The following PRRC2C variants were observed in gnomAD, a reference collection of about 807,000 sequenced individuals.
PRRC2C encodes protein PRRC2C.
A neutral mutation model predicts 317.2 loss-of-function variants in PRRC2C; 72 were observed. That is an observed-to-expected ratio of 0.23 (90% CI 0.19 to 0.28). The LOEUF (loss-of-function observed/expected upper bound fraction) is 0.28, where lower values mean the gene tolerates loss of function less well. PRRC2C is among the 10% of genes least tolerant of loss of function. The pLI is 1.00. For synonymous variants in PRRC2C, 1,296 were observed against 1,205.9 expected (o/e 1.07, Z -1.55); for missense variants, 3,074 against 3,459.7 (o/e 0.89, Z 2.80).
chr1:171,501,168 G>T lies in PRRC2C; in HGVS notation c.-57-10864G>T, dbSNP rs192898091. ...TGACTTGGCCTCCCAAGGTGCTGGGGTTACTACTCATGAGCTACTGTGTGA... is the reference window on the plus strand; with the variant it reads ...TGACTTGGCCTCCCAAGGTGCTGGGTTTACTACTCATGAGCTACTGTGTGA... On this transcript the variant is annotated intron_variant, in intron 1 of 34. Coordinates refer to ENST00000647382, the MANE Select transcript of PRRC2C (RefSeq NM_001387844.1). Among the ~76,000 whole-genome samples the T allele has an allele frequency of 6.9e-4, 105 of 151,620 alleles. 2 individuals carry two copies. In the South Asian group the frequency reaches 0.017, roughly 24 times the overall value.
rs1682579627 is a variant in PRRC2C at position 171,561,017 on chromosome 1, G to A, written c.6032-1G>A. ...TGTTTTTTATGGCTTCTTCTTTCCA[G>A]TAGGTCCCATTAGTCCACCACAGCC... On this transcript the variant is annotated splice_acceptor_variant, in intron 19 of 34. Transcript: ENST00000647382. LOFTEE classifies it high-confidence loss of function. 6.3e-7 allele frequency: 1 copy of A among 1,584,536 alleles called. No homozygotes were observed. Among genetic ancestry groups the A allele is most frequent in the Non-Finnish European group, 8.7e-7 (1 of 1,153,314 alleles).
At chr1:171,575,657 T>A (rs986112747) in intron 25 of PRRC2C, among the ~76,000 whole-genome samples, 2 of 152,222 alleles carry the variant, frequency 1.3e-5, no homozygotes, top group Non-Finnish European at 2.9e-5. Flanking sequence ...TTCCTTAGAT[T>A]TTCTTAAATT....
At chr1:171,486,107 CTTT>C (rs34040896) in intron 1 of PRRC2C, among the ~76,000 whole-genome samples, 23 of 95,582 alleles carry the variant, frequency 2.4e-4, no homozygotes, top group Middle Eastern at 5.8e-3. Flanking sequence ...GACGTGAAGT[CTTT>C]TTTTTTTTTT....
rs1471494435 is a variant in PRRC2C, at chr1:171,589,575, G to A, written c.8406G>A (p.Gln2802=). Residue 2802 remains glutamine (Q), a synonymous_variant, in exon 34 of 35, where the codon CAG becomes CAA. Coordinates refer to ENST00000647382, the MANE Select transcript of PRRC2C (RefSeq NM_001387844.1). ...SLSGVRGNQA[Q]AALKAEQDMK... ...CTGGAGTCAGAGGTAATCAGGCCCA[G>A]GCTGCGTTGAAGGCTGAACAAGACA... 1 of 1,289,642 alleles carries A rather than the reference G, an allele frequency of 7.8e-7. No individual in the cohort carries two copies. The highest frequency in any genetic ancestry group is 1.0e-6 in the Non-Finnish European group (1 of 988,860). The allele number at this position is 1,289,642 out of a possible 1,614,324, so 79.9% of individuals were successfully genotyped here.
At position 171,540,820 on chromosome 1, in the gene PRRC2C, G is replaced by A; in HGVS notation, c.3354G>A (p.Glu1118=). ...AACCTGTGAGTACTGTTCAGGTAGAGCCTGCAGTTAAGACTGTAAACCAAC... is the reference window on the plus strand; with the variant it reads ...AACCTGTGAGTACTGTTCAGGTAGAACCTGCAGTTAAGACTGTAAACCAAC... ...PLEPVSTVQV[E]PAVKTVNQQT... Residue 1118 remains glutamate (E), a synonymous_variant, in exon 16 of 35, where the codon GAG becomes GAA. Coordinates refer to ENST00000647382, the MANE Select transcript of PRRC2C (RefSeq NM_001387844.1). 1 of 1,613,866 alleles carries A rather than the reference G, an allele frequency of 6.2e-7. No individual in the cohort carries two copies. Among genetic ancestry groups the A allele is most frequent in the Non-Finnish European group, 8.5e-7 (1 of 1,179,844 alleles).
intron 1 of PRRC2C, among the ~76,000 whole-genome samples, chr1:171,486,482 C>A (rs143586893): frequency 2.6e-5 from 4 of 152,198 alleles, no homozygotes; most frequent in African/African-American, 9.6e-5. Flanking sequence ...GGGCATGGGG[C>A]CACTATAGAG....
At chr1:171,522,292 A>T (rs748507096) in intron 7 of PRRC2C, 33 bp downstream of exon 7, 4 of 1,401,298 alleles carry the variant, frequency 2.9e-6, no homozygotes, top group Non-Finnish European at 3.0e-6. Context: ...GTCTGTAAGG[A>T]ATATATGCTT....
chr1:171,501,357 C>T (rs1208993800), intron 1 of PRRC2C, among the ~76,000 whole-genome samples: 1 of 152,122 alleles, frequency 6.6e-6, no homozygotes, highest in African/African-American at 2.4e-5. Context: ...TCTCAAACTC[C>T]TGAGCTCAAG....
Position 171,584,532 on chromosome 1 carries a change from C to G in PRRC2C, c.7749+6C>G, listed in dbSNP as rs371505255. 3 of 1,550,882 alleles carry G rather than the reference C, an allele frequency of 1.9e-6. No individual in the cohort carries two copies. The highest frequency in any genetic ancestry group is 2.6e-6 in the Non-Finnish European group (3 of 1,153,610). ...CACCAAGTGCTCTCCAGCAGGTAAA[C>G]TATGGCATGGTAAATTTCCTCAATT... On this transcript the variant is annotated splice_donor_region_variant and intron_variant, in intron 30 of 34. Coordinates refer to ENST00000647382, the MANE Select transcript of PRRC2C (RefSeq NM_001387844.1).
intron 1 of PRRC2C, among the ~76,000 whole-genome samples, chr1:171,488,494 T>A (rs1423169174): frequency 6.6e-6 from 1 of 152,220 alleles, no homozygotes; most frequent in Non-Finnish European, 1.5e-5. Flanking sequence ...AGGGTAACTT[T>A]AGTAAATTTT....
intron 5 of PRRC2C, among the ~76,000 whole-genome samples, chr1:171,516,750 G>C (rs1018623894): frequency 2.0e-5 from 3 of 152,206 alleles, no homozygotes; most frequent in African/African-American, 7.2e-5. Context: ...CGATGAAGCT[G>C]TCTGAAGCTG....
At chr1:171,505,066 T>C (rs1254995141) in intron 1 of PRRC2C, among the ~76,000 whole-genome samples, 2 of 151,852 alleles carry the variant, frequency 1.3e-5, no homozygotes, top group African/African-American at 4.8e-5. Flanking sequence ...TCACTCTTGT[T>C]GCCCAGGCTG....
Position 171,527,823 on chromosome 1 carries a change from T to A in PRRC2C, c.1233T>A (p.Pro411=). Residue 411 remains proline (P), a synonymous_variant, in exon 11 of 35, where the codon CCT becomes CCA. Coordinates refer to ENST00000647382, the MANE Select transcript of PRRC2C (RefSeq NM_001387844.1). The part of the protein sequence containing the change: ...ERGTSSHLPP[P]PKLLAQQHPP... ...GAACATCTTCACATCTGCCACCACCTCCAAAGTTGCTTGCACAGCAGGTAA... is the reference window on the plus strand; with the variant it reads ...GAACATCTTCACATCTGCCACCACCACCAAAGTTGCTTGCACAGCAGGTAA... 6.3e-7 allele frequency: 1 copy of A among 1,583,642 alleles called. No homozygotes were observed.
Position 171,587,110 on chromosome 1 carries a change from C to T in PRRC2C, c.7857C>T (p.Thr2619=), listed in dbSNP as rs754221057. Residue 2619 remains threonine, a synonymous_variant, in exon 31 of 35, where the codon ACC becomes ACT. Transcript: ENST00000647382. ...PQTLQPPLQH[T]TPQAQAQSLS... ...CTCTTCAGCCCCCATTACAGCATAC[C>T]ACTCCCCAAGCACAGGCTCAGAGTC... is the stretch of plus-strand genomic sequence containing the variant. 6.2e-7 allele frequency: 1 copy of T among 1,611,828 alleles called. No homozygotes were observed. The highest frequency in any genetic ancestry group is 8.5e-7 in the Non-Finnish European group (1 of 1,179,058).
At chr1:171,526,585 G>A (rs556273491) in intron 10 of PRRC2C, among the ~76,000 whole-genome samples, 62 of 152,058 alleles carry the variant, frequency 4.1e-4, no homozygotes, top group African/African-American at 1.0e-3. Flanking sequence ...TGACCCACCC[G>A]CCTCAGCCTC....
At chr1:171,518,496 T>TTTTTTTCAAA (rs758544525) in intron 6 of PRRC2C, among the ~76,000 whole-genome samples, 1 of 17,344 alleles carries the variant, frequency 5.8e-5, no homozygotes, top group Admixed American at 4.8e-4. Context: ...TTTTTTCAAT[T>TTTTTTTCAAA]TTTTTTTTTT....
chr1:171,577,866 C>T (rs977273452), intron 26 of PRRC2C, among the ~76,000 whole-genome samples: 2 of 150,084 alleles, frequency 1.3e-5, no homozygotes, highest in African/African-American at 4.9e-5. Flanking sequence ...CCACCTCCAC[C>T]TCCCAGGTTC....
intron 25 of PRRC2C, among the ~76,000 whole-genome samples, chr1:171,576,900 G>GCA (rs1685790144): frequency 6.6e-6 from 1 of 152,054 alleles, no homozygotes; most frequent in African/African-American, 2.4e-5. Context: ...TGTTCCCCAG[G>GCA]CTGGTCTTAT....
chr1:171,579,673 AT>A (rs764019313), intron 27 of PRRC2C, among the ~76,000 whole-genome samples, 154 bp from the exon 28 acceptor site: 2 of 152,250 alleles, frequency 1.3e-5, no homozygotes, highest in Non-Finnish European at 2.9e-5. Flanking sequence ...TGAAAGGGAA[AT>A]TTAGATGTTT....
Sources: gnomAD v4.1 joint callset for allele counts (sites outside exome capture counted in the v4.1 genomes callset) on GRCh38, gnomAD v4.1.1 for gene constraint, MANE v1.5 for transcripts, NCBI Gene and HGNC (gene_info 2026-07-23, HGNC 2026-07-21) for gene names.